Variants in CNTNAP3B observed in about 807,000 individuals in gnomAD.
The protein encoded by CNTNAP3B is contactin associated protein family member 3B.
Under a neutral mutation model 108.9 loss-of-function variants are expected in CNTNAP3B, and 25 were observed. The ratio of observed to expected loss-of-function variants is 0.23; its 90% CI spans 0.17 to 0.32. The LOEUF is 0.32. Ranked by LOEUF, CNTNAP3B falls within the 10% of genes least tolerant of loss-of-function variation. The probability of loss-of-function intolerance (pLI) is 1.00; values close to 1 mark genes in which losing one functional copy is unlikely to be tolerated. For synonymous variants in CNTNAP3B, 103 were observed against 473.4 expected (o/e 0.22, Z 10.16); for missense variants, 252 against 1,210.4 (o/e 0.21, Z 11.75).
At chr9:41,961,778 A>T (rs1202872448) in intron 11 of CNTNAP3B, among the ~76,000 whole-genome samples, 2 of 152,424 alleles carry the variant, frequency 1.3e-5, no homozygotes, top group African/African-American at 2.4e-5. Flanking sequence ...TTTTTGAAAG[A>T]TATCCCTATA....
intron 3 of CNTNAP3B, among the ~76,000 whole-genome samples, chr9:42,054,455 C>T (rs557777727): frequency 6.6e-6 from 1 of 151,684 alleles, no homozygotes; most frequent in Admixed American, 6.6e-5. Context: ...TAGTGCGTGA[C>T]TGGATTCCAC....
intron 2 of CNTNAP3B, among the ~76,000 whole-genome samples, chr9:42,090,981 C>CAA (rs561775182): frequency 0.051 from 2,557 of 49,988 alleles, 865 homozygotes; most frequent in East Asian, 0.17. Flanking sequence ...TATACACACA[C>CAA]ACACACACAC....
chr9:42,109,823 G>C (rs1356685138), intron 1 of CNTNAP3B, among the ~76,000 whole-genome samples: 2 of 134,966 alleles, frequency 1.5e-5, no homozygotes, highest in African/African-American at 3.0e-5. Flanking sequence ...AAATTATCTT[G>C]AATTATCTGG....
In CNTNAP3B at chr9:41,924,644, T is replaced by TGCGCGCGCGCGC. The variant is rs1482014228; in HGVS notation, c.2366-552_2366-551insGCGCGCGCGCGC. Among the ~76,000 whole-genome samples, 151 of 94,812 alleles carry TGCGCGCGCGCGC rather than the reference T, an allele frequency of 1.6e-3. 1 individual carries two copies. The highest frequency in any genetic ancestry group is 5.6e-3 in the South Asian group (15 of 2,678). 62.2% of individuals were successfully genotyped at this position (94,812 alleles called of 152,430 possible). On this transcript the variant is annotated intron_variant, in intron 15 of 23. Coordinates refer to ENST00000377561, the MANE Select transcript of CNTNAP3B (RefSeq NM_001201380.3). ...GAACACAGACTCTTGCTTTCCTTCC[T>TGCGCGCGCGCGC]GCACACACACACACACACACACACA... is the stretch of plus-strand genomic sequence containing the variant.
chr9:41,934,819 G>A (rs1824105106), intron 14 of CNTNAP3B, among the ~76,000 whole-genome samples: 1 of 152,258 alleles, frequency 6.6e-6, no homozygotes. Context: ...AATGAACAGA[G>A]TTTACTCGTA....
chr9:42,019,760 CAAAAA>C (rs71251465), intron 3 of CNTNAP3B, among the ~76,000 whole-genome samples: 1 of 77,292 alleles, frequency 1.3e-5, no homozygotes, highest in Non-Finnish European at 2.4e-5. Flanking sequence ...GACTCTATCT[CAAAAA>C]AAAAAAAAAA....
At chr9:41,929,293 A>C in intron 15 of CNTNAP3B, 24 bp downstream of exon 15, 1 of 1,489,620 alleles carries the variant, frequency 6.7e-7, no homozygotes, top group South Asian at 1.3e-5. Context: ...TATGAAAATA[A>C]AGCTTTTTCT....
intron 12 of CNTNAP3B, among the ~76,000 whole-genome samples, chr9:41,956,385 C>A (rs887254394): frequency 6.6e-6 from 1 of 151,954 alleles, no homozygotes; most frequent in African/African-American, 2.4e-5. Context: ...GCCTCTGTCT[C>A]AAAATAATAA....
At chr9:41,962,428 C>A (rs1310858739) in intron 11 of CNTNAP3B, among the ~76,000 whole-genome samples, 1 of 152,104 alleles carries the variant, frequency 6.6e-6, no homozygotes, top group Admixed American at 6.5e-5. Flanking sequence ...TAACCATGGA[C>A]TAATATAACT....
At chr9:41,937,003 A>G (rs1218071529) in intron 14 of CNTNAP3B, among the ~76,000 whole-genome samples, 2 of 152,190 alleles carry the variant, frequency 1.3e-5, no homozygotes, top group Non-Finnish European at 2.9e-5. Context: ...ACTACCATGC[A>G]GGCCAAACAA....
Position 41,981,892 on chromosome 9 carries a change from CAATAAT to C in CNTNAP3B, c.1477+4270_1477+4275del, listed in dbSNP as rs1554746914. Among the ~76,000 whole-genome samples the C allele has an allele frequency of 6.5e-3, 222 of 34,294 alleles. 10 individuals carry two copies. Among genetic ancestry groups the C allele is most frequent in the African/African-American group, 0.016 (209 of 13,452 alleles). The allele number at this position is 34,294 out of a possible 152,430, so 22.5% of individuals were successfully genotyped here. ...AATAACGAGACCTCGTCTCTACAAACAATAATAATAATAATAATAATAATAAATTAG... is the reference window on the plus strand; with the variant it reads ...AATAACGAGACCTCGTCTCTACAAACAATAATAATAATAATAATAAATTAG... On this transcript the variant is annotated intron_variant, in intron 9 of 23. Coordinates refer to ENST00000377561, the MANE Select transcript of CNTNAP3B (RefSeq NM_001201380.3).
In CNTNAP3B at chr9:42,029,450, C is replaced by G. The variant is rs1355461689; in HGVS notation, c.391-15925G>C. On this transcript the variant is annotated intron_variant, in intron 3 of 23. Coordinates refer to ENST00000377561, the MANE Select transcript of CNTNAP3B (RefSeq NM_001201380.3). ...CAAAGAAAAAACAAAATATGGTTCA[C>G]AGTCTTACCAGTCAGATAACCCTTG... Among the ~76,000 whole-genome samples the G allele has an allele frequency of 1.7e-5, 2 of 120,512 alleles. 1 individual carries two copies. Among genetic ancestry groups the G allele is most frequent in the African/African-American group, 6.9e-5 (2 of 28,912 alleles). 79.1% of individuals were successfully genotyped at this position (120,512 alleles called of 152,430 possible).
chr9:41,943,136 GAT>G (rs1165611732), intron 13 of CNTNAP3B, among the ~76,000 whole-genome samples: 1 of 152,286 alleles, frequency 6.6e-6, no homozygotes, highest in African/African-American at 2.4e-5. Flanking sequence ...TATAAACAAA[GAT>G]ATGAAATCTC....
chr9:42,125,357 G>A (rs1388679770), intron 1 of CNTNAP3B, among the ~76,000 whole-genome samples: 2 of 141,034 alleles, frequency 1.4e-5, no homozygotes, highest in Non-Finnish European at 3.1e-5. Flanking sequence ...GTCTCTCCAG[G>A]TCCCCACCCT....
chr9:41,944,396 T>C (rs1439028150), intron 13 of CNTNAP3B, among the ~76,000 whole-genome samples: 3 of 149,646 alleles, frequency 2.0e-5, no homozygotes, highest in South Asian at 2.1e-4. Context: ...AATAATGTAA[T>C]ACAAAATAAG....
intron 3 of CNTNAP3B, among the ~76,000 whole-genome samples, chr9:42,018,706 T>C (rs1157948601): frequency 6.6e-6 from 1 of 151,682 alleles, no homozygotes; most frequent in South Asian, 2.1e-4. Context: ...TTTTGGAGTT[T>C]CCTGTAAGTG....
At chr9:41,939,971 A>C (rs1166729839) in intron 13 of CNTNAP3B, among the ~76,000 whole-genome samples, 3 of 152,266 alleles carry the variant, frequency 2.0e-5, no homozygotes, top group African/African-American at 7.2e-5. Context: ...ATACAATAAC[A>C]TAACGTTTTA....
At chr9:41,934,212 CACAT>C in intron 14 of CNTNAP3B, among the ~76,000 whole-genome samples, 1 of 129,204 alleles carries the variant, frequency 7.7e-6, no homozygotes, top group East Asian at 2.2e-4. Context: ...TACACACACA[CACAT>C]ACTTTTTTTT....
intron 3 of CNTNAP3B, among the ~76,000 whole-genome samples, chr9:42,068,038 G>C (rs1450182887): frequency 1.4e-5 from 2 of 139,430 alleles, no homozygotes; most frequent in East Asian, 4.3e-4. Context: ...CAGTATCTGG[G>C]ATAGCAGTAA....
Sources: gnomAD v4.1 joint callset for allele counts (sites outside exome capture counted in the v4.1 genomes callset) on GRCh38, gnomAD v4.1.1 for gene constraint, MANE v1.5 for transcripts, NCBI Gene and HGNC (gene_info 2026-07-23, HGNC 2026-07-21) for gene names.